The following RASAL2 variants were observed in gnomAD, a reference collection of about 807,000 sequenced individuals.
The protein encoded by RASAL2 is ras GTPase-activating protein nGAP.
RASAL2 carries 58 observed loss-of-function variants against 128.9 expected under a neutral mutation model. The ratio of observed to expected loss-of-function variants is 0.45; its 90% CI spans 0.36 to 0.56. The LOEUF (loss-of-function observed/expected upper bound fraction) is 0.56. Among genes scored for constraint, RASAL2 ranks in the 20% least tolerant of loss-of-function variants. RASAL2 has a pLI of 0.00. For synonymous variants in RASAL2, 561 were observed against 580.8 expected (o/e 0.97, Z 0.49); for missense variants, 1,360 against 1,601.6 (o/e 0.85, Z 2.57).
At chr1:178,321,188 A>G (rs1295907586) in intron 3 of RASAL2, among the ~76,000 whole-genome samples, 4 of 151,930 alleles carry the variant, frequency 2.6e-5, no homozygotes, top group African/African-American at 9.7e-5. Flanking sequence ...GGTTCCATCG[A>G]TTCTCCTGTC....
chr1:178,290,878 G>A (rs7528155), intron 2 of RASAL2, among the ~76,000 whole-genome samples: 16,381 of 151,822 alleles, frequency 0.11, 920 homozygotes, highest in African/African-American at 0.13. Flanking sequence ...GGGTTTCATC[G>A]TGTTAGCCAG....
In RASAL2 at chr1:178,188,133, T is replaced by G. The variant is rs192071874; in HGVS notation, c.202+93439T>G. Among the ~76,000 whole-genome samples, 331 of 152,296 alleles carry G rather than the reference T, an allele frequency of 2.2e-3. 1 individual carries two copies. Among genetic ancestry groups the G allele is most frequent in the Non-Finnish European group, 3.6e-3 (245 of 68,032 alleles). ...CTTTGCCTTCAGTCATGAAGTTTAATCCTACTTACATACACTTTAATATTC... is the reference window on the plus strand; with the variant it reads ...CTTTGCCTTCAGTCATGAAGTTTAAGCCTACTTACATACACTTTAATATTC... On this transcript the variant is annotated intron_variant, in intron 1 of 17. Coordinates refer to ENST00000367649, the MANE Select transcript of RASAL2 (RefSeq NM_170692.4).
intron 2 of RASAL2, 71 bp downstream of exon 2, chr1:178,283,762 T>A (rs56181616): frequency 0.024 from 38,182 of 1,570,674 alleles, 593 homozygotes; most frequent in South Asian, 0.046. Flanking sequence ...CTAGTTTTTG[T>A]TTGCATTTTG....
Position 178,094,685 on chromosome 1 carries a change from C to T in RASAL2, c.193C>T (p.Arg65Trp), listed in dbSNP as rs1658605323. The change falls in exon 1 of 18, where the codon CGG (arginine) becomes TGG (tryptophan). Residue 65 changes from arginine to tryptophan, a missense_variant. Coordinates refer to ENST00000367649, the MANE Select transcript of RASAL2 (RefSeq NM_170692.4). ...ESVCQQQSWV[R>W]VYDVKGPPTH... is the part of the protein sequence containing the mutation. ...CGTGTGCCAGCAACAGAGCTGGGTC[C>T]GGGTGTACGGTAAGGACCACAGGCC... The T allele has an allele frequency of 1.9e-6, 3 of 1,613,918 alleles. No individual in the cohort carries two copies. The highest frequency in any genetic ancestry group is 2.7e-5 in the African/African-American group (2 of 74,952).
intron 1 of RASAL2, among the ~76,000 whole-genome samples, chr1:178,149,556 A>G (rs1660841020): frequency 6.6e-6 from 1 of 151,504 alleles, no homozygotes; most frequent in Admixed American, 6.6e-5. Flanking sequence ...CTTTTTCCAT[A>G]TTGTGCATTA....
chr1:178,444,196 A>G (rs1483868794), intron 8 of RASAL2, among the ~76,000 whole-genome samples: 2 of 152,162 alleles, frequency 1.3e-5, no homozygotes, highest in Non-Finnish European at 2.9e-5. Flanking sequence ...TTCAGAATAT[A>G]CATTAAGACT....
chr1:178,464,252 A>T, intron 14 of RASAL2, 26 bp from the exon 15 acceptor site: 1 of 1,587,708 alleles, frequency 6.3e-7, no homozygotes, highest in Admixed American at 1.7e-5. Flanking sequence ...TGTTAGGGGA[A>T]ATGCTAATAA....
At chr1:178,352,703 G>A (rs1452331006) in intron 3 of RASAL2, among the ~76,000 whole-genome samples, 1 of 152,206 alleles carries the variant, frequency 6.6e-6, no homozygotes, top group Admixed American at 6.5e-5. Flanking sequence ...TTCTCCATGA[G>A]GGCTCTGGCC....
At chr1:178,423,312 A>G (rs1005218041) in intron 5 of RASAL2, among the ~76,000 whole-genome samples, 8 of 152,150 alleles carry the variant, frequency 5.3e-5, no homozygotes, top group African/African-American at 1.9e-4. Flanking sequence ...TTTCAGAAGT[A>G]GAACTGCTTG....
At chr1:178,374,795 T>C (rs1671900593) in intron 3 of RASAL2, among the ~76,000 whole-genome samples, 1 of 152,176 alleles carries the variant, frequency 6.6e-6, no homozygotes, top group Non-Finnish European at 1.5e-5. Context: ...TTGTTTCTTC[T>C]GTCAGCAGTG....
At chr1:178,359,691 A>G (rs1250051335) in intron 3 of RASAL2, among the ~76,000 whole-genome samples, 2 of 152,198 alleles carry the variant, frequency 1.3e-5, no homozygotes, top group Admixed American at 6.5e-5. Flanking sequence ...CAAGGCAGCA[A>G]CTTACTACCA....
At chr1:178,105,926 C>T (rs1659072129) in intron 1 of RASAL2, among the ~76,000 whole-genome samples, 1 of 152,028 alleles carries the variant, frequency 6.6e-6, no homozygotes, top group African/African-American at 2.4e-5. Flanking sequence ...TCCTCTTGCC[C>T]CAGCCTTCCA....
chr1:178,215,067 C>CT, intron 1 of RASAL2, among the ~76,000 whole-genome samples: 1 of 152,290 alleles, frequency 6.6e-6, no homozygotes, highest in South Asian at 2.1e-4. Context: ...CAAATGTTAT[C>CT]TCATGTGTAA....
chr1:178,134,508 C>G (rs1002520828), intron 1 of RASAL2, among the ~76,000 whole-genome samples: 2 of 150,754 alleles, frequency 1.3e-5, no homozygotes, highest in African/African-American at 2.4e-5. Flanking sequence ...GAAGGTGAAG[C>G]CTGCTATAGG....
At chr1:178,220,145 T>A (rs1313235620) in intron 1 of RASAL2, among the ~76,000 whole-genome samples, 1 of 152,222 alleles carries the variant, frequency 6.6e-6, no homozygotes, top group Non-Finnish European at 1.5e-5. Context: ...AAACAGATGC[T>A]GTGCCATGCC....
At chr1:178,349,258 T>TA (rs1163062770) in intron 3 of RASAL2, among the ~76,000 whole-genome samples, 11,309 of 110,692 alleles carry the variant, frequency 0.1, 1,002 homozygotes, top group African/African-American at 0.24. Context: ...GTCTCTACTT[T>TA]AAAAAAAAAA....
intron 1 of RASAL2, among the ~76,000 whole-genome samples, chr1:178,224,025 C>A (rs1315907822): frequency 6.6e-6 from 1 of 152,008 alleles, no homozygotes; most frequent in Non-Finnish European, 1.5e-5. Context: ...GAGTATGTTG[C>A]TCAAAGAAGA....
rs994550449 is a variant in RASAL2, at chr1:178,474,720, G to C, written c.*1481G>C. The C allele has an allele frequency of 4.6e-5, 7 of 151,690 alleles. No individual in the cohort carries two copies. The highest frequency in any genetic ancestry group is 3.2e-3 in the Middle Eastern group (1 of 314). 9.4% of individuals were successfully genotyped at this position (151,690 alleles called of 1,614,324 possible). A position where few individuals can be genotyped will look rare whatever the true frequency, so the allele number is the denominator to read the frequency against. On this transcript the variant is annotated 3_prime_UTR_variant, in exon 18 of 18. Transcript: ENST00000367649. ...ATATATAATATATATTCACACATAT[G>C]TACATATAACTGCACAAATAGGAAA...
chr1:178,296,576 G>C (rs1667516806), intron 2 of RASAL2, among the ~76,000 whole-genome samples: 2 of 151,632 alleles, frequency 1.3e-5, no homozygotes, highest in South Asian at 4.2e-4. Context: ...TTGTTGCCCA[G>C]GGTCTTGAAC....
Sources: allele counts gnomAD v4.1 joint callset (sites outside exome capture counted in the v4.1 genomes callset), GRCh38; gene constraint gnomAD v4.1.1; transcripts MANE v1.5; gene names NCBI Gene and HGNC (gene_info 2026-07-23, HGNC 2026-07-21).